Variants in DCDC1 observed in about 807,000 individuals in gnomAD.
The protein encoded by DCDC1 is doublecortin domain-containing protein 1.
Under a neutral mutation model 178.3 loss-of-function variants are expected in DCDC1, and 200 were observed. That is an observed-to-expected ratio of 1.12 (90% CI 1.00 to 1.26). The LOEUF (loss-of-function observed/expected upper bound fraction) is 1.26, where lower values mean the gene tolerates loss of function less well. Ranked by LOEUF, DCDC1 falls within the 50% of genes most tolerant of loss-of-function variation. The pLI is 0.00. For synonymous variants in DCDC1, 690 were observed against 604.8 expected, an observed-to-expected ratio of 1.14 and a Z score of -2.07; for missense variants, 1,983 against 1,749.2, an observed-to-expected ratio of 1.13 and a Z score of -2.38.
intron 6 of DCDC1, among the ~76,000 whole-genome samples, chr11:31,292,617 G>A (rs1947313306): frequency 6.6e-6 from 1 of 152,054 alleles, no homozygotes; most frequent in South Asian, 2.1e-4. Flanking sequence ...GGGAGGAGAG[G>A]GGATTGAAGA....
In DCDC1 at chr11:31,103,778, C is replaced by T. The variant is rs747489805; in HGVS notation, c.1752-9G>A. On this transcript the variant is annotated splice_polypyrimidine_tract_variant and intron_variant, in intron 13 of 38. Coordinates refer to ENST00000684477, the MANE Select transcript of DCDC1 (RefSeq NM_001387274.1). ...CAAGATTTAGTGGAGATCTGAAAAA[C>T]GGATAAAACATCAAAACTATCTTCA... is the stretch of plus-strand genomic sequence containing the variant. 3.0e-5 allele frequency: 23 copies of T among 757,744 alleles called. No individual in the cohort carries two copies. Among genetic ancestry groups the T allele is most frequent in the South Asian group, 1.2e-4 (9 of 72,342 alleles). The allele number at this position is 757,744 out of a possible 1,614,324, so 46.9% of individuals were successfully genotyped here. A position where few individuals can be genotyped will look rare whatever the true frequency, so the allele number is the denominator to read the frequency against.
intron 24 of DCDC1, 88 bp from the exon 25 acceptor site, chr11:30,921,023 C>T (rs1485035702): frequency 2.2e-6 from 3 of 1,355,818 alleles, no homozygotes. Context: ...AATACAAATG[C>T]AAAATAATTC....
intron 17 of DCDC1, among the ~76,000 whole-genome samples, chr11:31,079,362 C>T (rs933316583): frequency 6.6e-6 from 1 of 152,172 alleles, no homozygotes; most frequent in Admixed American, 6.5e-5. Context: ...CCCTGTGTAC[C>T]TCTTCATCTG....
chr11:31,289,479 T>C (rs764257159), intron 7 of DCDC1, among the ~76,000 whole-genome samples: 12 of 151,970 alleles, frequency 7.9e-5, no homozygotes, highest in Non-Finnish European at 1.6e-4. Flanking sequence ...CCAGTTGTGG[T>C]TGTAAAACCA....
chr11:30,923,121 C>G, intron 23 of DCDC1, among the ~76,000 whole-genome samples: 1 of 152,028 alleles, frequency 6.6e-6, no homozygotes, highest in Non-Finnish European at 1.5e-5. Context: ...CCCTAAAACC[C>G]AAATCTGGTC....
chr11:31,220,029 A>G (rs1286950611), intron 9 of DCDC1, among the ~76,000 whole-genome samples: 2 of 152,170 alleles, frequency 1.3e-5, no homozygotes, highest in African/African-American at 2.4e-5. Flanking sequence ...ATTTTTTAAA[A>G]TTACTCTGAA....
Position 31,054,842 on chromosome 11 carries a change from G to A in DCDC1, c.2591+9627C>T, listed in dbSNP as rs146132166. The stretch of plus-strand genomic sequence containing the variant: ...TCTTATACAAAAATCAACTCAAAAT[G>A]GACTAAAGACTTAAATCTCAGATGT... On this transcript the variant is annotated intron_variant, in intron 20 of 38. Transcript: ENST00000684477. Among the ~76,000 whole-genome samples, 886 of 152,120 alleles carry A rather than the reference G, an allele frequency of 5.8e-3. 6 individuals carry two copies. The highest frequency in any genetic ancestry group is 0.02 in the African/African-American group (840 of 41,496).
In DCDC1 at chr11:30,908,945, C is replaced by A; in HGVS notation, c.3918+1G>T. The A allele has an allele frequency of 1.3e-6, 2 of 1,591,782 alleles. No individual in the cohort carries two copies. Among genetic ancestry groups the A allele is most frequent in the Non-Finnish European group, 1.7e-6 (2 of 1,167,586 alleles). ...ATCTTTGAGAGGAAGGAACCACTTACTGGTTGATCAATGTTTTCTTCTTTA... is the reference window on the plus strand; with the variant it reads ...ATCTTTGAGAGGAAGGAACCACTTAATGGTTGATCAATGTTTTCTTCTTTA... On this transcript the variant is annotated splice_donor_variant, in intron 29 of 38. Coordinates refer to ENST00000684477, the MANE Select transcript of DCDC1 (RefSeq NM_001387274.1). LOFTEE classifies it high-confidence loss of function.
At chr11:31,256,939 C>A (rs1241127765) in intron 8 of DCDC1, among the ~76,000 whole-genome samples, 3 of 152,210 alleles carry the variant, frequency 2.0e-5, no homozygotes, top group East Asian at 1.9e-4. Flanking sequence ...GCTGATCATG[C>A]CTTCCTTACT....
At chr11:31,174,269 CT>C (rs1364988703) in intron 9 of DCDC1, among the ~76,000 whole-genome samples, 1 of 152,248 alleles carries the variant, frequency 6.6e-6, no homozygotes, top group Non-Finnish European at 1.5e-5. Context: ...TGCCTGTCCT[CT>C]CCCAGTTCCA....
intron 9 of DCDC1, among the ~76,000 whole-genome samples, chr11:31,170,871 C>T (rs1967127737): frequency 6.6e-6 from 1 of 151,670 alleles, no homozygotes; most frequent in African/African-American, 2.4e-5. Context: ...CTCTTATTGC[C>T]CAGGCTGGAG....
At chr11:31,357,475 A>G (rs1318648827) in intron 1 of DCDC1, among the ~76,000 whole-genome samples, 1 of 152,126 alleles carries the variant, frequency 6.6e-6, no homozygotes, top group African/African-American at 2.4e-5. Flanking sequence ...ACCCACAGCC[A>G]ATATCATACT....
At chr11:31,119,672 C>G (rs994088132) in intron 11 of DCDC1, among the ~76,000 whole-genome samples, 3 of 152,070 alleles carry the variant, frequency 2.0e-5, no homozygotes, top group Non-Finnish European at 4.4e-5. Flanking sequence ...TGATTGGAAA[C>G]TTTAAACTTT....
intron 38 of DCDC1, among the ~76,000 whole-genome samples, chr11:30,873,064 T>G (rs1941735200): frequency 6.7e-6 from 1 of 148,362 alleles, no homozygotes; most frequent in Admixed American, 6.8e-5. Flanking sequence ...TACAAGCTGG[T>G]CTCTCTCTCT....
intron 9 of DCDC1, among the ~76,000 whole-genome samples, chr11:31,213,310 T>C (rs1193212001): frequency 6.6e-6 from 1 of 151,742 alleles, no homozygotes; most frequent in Non-Finnish European, 1.5e-5. Flanking sequence ...AGCCTTATCA[T>C]TGGTAAGTAG....
chr11:30,898,349 A>G (rs932135702), intron 34 of DCDC1, among the ~76,000 whole-genome samples: 3 of 152,192 alleles, frequency 2.0e-5, no homozygotes, highest in Admixed American at 2.0e-4. Context: ...AACTGTTCCA[A>G]TGGTCCCAAG....
At chr11:31,055,120 C>T (rs1225440742) in intron 20 of DCDC1, among the ~76,000 whole-genome samples, 1 of 151,906 alleles carries the variant, frequency 6.6e-6, no homozygotes, top group Non-Finnish European at 1.5e-5. Context: ...GAATCTACAA[C>T]GAACTCAAAC....
At chr11:31,079,483 G>A (rs1466260892) in intron 17 of DCDC1, among the ~76,000 whole-genome samples, 2 of 152,146 alleles carry the variant, frequency 1.3e-5, no homozygotes, top group Non-Finnish European at 2.9e-5. Context: ...CCCAACGAGG[G>A]GGTCATGAGA....
intron 6 of DCDC1, among the ~76,000 whole-genome samples, chr11:31,294,760 TAGAA>T (rs1473053886): frequency 2.6e-4 from 20 of 76,436 alleles, no homozygotes; most frequent in African/African-American, 5.9e-4. Flanking sequence ...AAGAAAGAAA[TAGAA>T]AGAGAAAGAA....
Sources: gnomAD v4.1 joint callset for allele counts (sites outside exome capture counted in the v4.1 genomes callset) on GRCh38, gnomAD v4.1.1 for gene constraint, MANE v1.5 for transcripts, NCBI Gene and HGNC (gene_info 2026-07-23, HGNC 2026-07-21) for gene names.